The following CDHR1 variants were observed in gnomAD, a reference collection of about 807,000 sequenced individuals.
CDHR1 encodes the protein cadherin-related family member 1.
Under a neutral mutation model 72.1 loss-of-function variants are expected in CDHR1, and 61 were observed. The observed-to-expected ratio is 0.85, with a 90% CI of 0.69 to 1.05. CDHR1 has a LOEUF of 1.05. CDHR1 is among the 50% of genes least tolerant of loss of function. The pLI is 0.00. For missense variants in CDHR1, 1,186 were observed against 1,115.7 expected, an observed-to-expected ratio of 1.06 and a Z score of -0.90; for synonymous variants, 470 against 448.1, an observed-to-expected ratio of 1.05 and a Z score of -0.62.
intron 12 of CDHR1, among the ~76,000 whole-genome samples, chr10:84,210,223 GT>G (rs984549453): frequency 4.6e-5 from 7 of 150,582 alleles, no homozygotes; most frequent in African/African-American, 1.2e-4. Flanking sequence ...CGTTTTTTTT[GT>G]TTTTTTTGTT....
chr10:84,204,913 A>C (rs1842197618), intron 9 of CDHR1, among the ~76,000 whole-genome samples: 1 of 152,154 alleles, frequency 6.6e-6, no homozygotes, highest in Non-Finnish European at 1.5e-5. Flanking sequence ...CATTTCTCAC[A>C]CTTTTTAAGT....
At position 84,217,145 on chromosome 10, in the gene CDHR1, C is replaced by A; in HGVS notation, c.*2524C>A. The A allele has an allele frequency of 1.0e-6, 1 of 985,576 alleles. No individual in the cohort carries two copies. Among genetic ancestry groups the A allele is most frequent in the Non-Finnish European group, 1.2e-6 (1 of 830,074 alleles). The allele number at this position is 985,576 out of a possible 1,614,324, so 61.1% of individuals were successfully genotyped here. ...GTGTTGTCAGCACTGGAGGAGACCCCGCCAGTGGGGTGAGGCCAGCCAAGT... is the reference window on the plus strand; with the variant it reads ...GTGTTGTCAGCACTGGAGGAGACCCAGCCAGTGGGGTGAGGCCAGCCAAGT... On this transcript the variant is annotated 3_prime_UTR_variant, in exon 17 of 17. Coordinates refer to ENST00000623527, the MANE Select transcript of CDHR1 (RefSeq NM_033100.4).
intron 7 of CDHR1, 132 bp from the exon 8 acceptor site, chr10:84,202,848 A>C: frequency 1.0e-6 from 1 of 961,928 alleles, no homozygotes; most frequent in Non-Finnish European, 1.6e-6. Flanking sequence ...GGTGACACAG[A>C]AGCAAACAGA....
chr10:84,205,756 T>G (rs1842213087), intron 9 of CDHR1, 71 bp from the exon 10 acceptor site: 1 of 1,006,336 alleles, frequency 9.9e-7, no homozygotes, highest in Non-Finnish European at 1.6e-6. Context: ...TGCAGGACGA[T>G]CCTGTGGCAC....
In CDHR1 at chr10:84,194,820, GTGGCCGCTGGGCCGCGC is replaced by G; in HGVS notation, c.55+13_55+29del. 6.5e-7 allele frequency: 1 copy of G among 1,533,062 alleles called. No homozygotes were observed. Among genetic ancestry groups the G allele is most frequent in the Non-Finnish European group, 8.7e-7 (1 of 1,145,958 alleles). The allele number at this position is 1,533,062 out of a possible 1,614,324, so 95.0% of individuals were successfully genotyped here. On this transcript the variant is annotated splice_donor_region_variant and intron_variant, in intron 1 of 16. Transcript: ENST00000623527. The stretch of plus-strand genomic sequence containing the variant: ...GGCTGCTGCGCCTCTGCTTGGGTGA[GTGGCCGCTGGGCCGCGC>G]TGGCCGCGTGGATGGCGAGGGAGAT...
In CDHR1 at chr10:84,214,202, A is replaced by G. The variant is rs886047328; in HGVS notation, c.2161A>G (p.Thr721Ala). 11 of 1,613,808 alleles carry G rather than the reference A, an allele frequency of 6.8e-6. No individual in the cohort carries two copies. The highest frequency in any genetic ancestry group is 9.3e-6 in the Non-Finnish European group (11 of 1,179,958). ...CGTGGCCATCACTGTCCTCATCTCCACCGCCACCTTCTGGCGCAACAAGAA... is the reference window on the plus strand; with the variant it reads ...CGTGGCCATCACTGTCCTCATCTCCGCCGCCACCTTCTGGCGCAACAAGAA... Reference protein sequence around the residue: ...TVVAITVLISTATFWRNKKSN... With the variant: ...TVVAITVLISAATFWRNKKSN... The change falls in exon 17 of 17, where the codon ACC becomes GCC. Residue 721 changes from threonine to alanine, a missense_variant. Coordinates refer to ENST00000623527, the MANE Select transcript of CDHR1 (RefSeq NM_033100.4).
At chr10:84,195,271 C>A (rs918334703) in intron 1 of CDHR1, among the ~76,000 whole-genome samples, 1 of 152,222 alleles carries the variant, frequency 6.6e-6, no homozygotes, top group Non-Finnish European at 1.5e-5. Context: ...CCACATGCTA[C>A]GTGTCCCTGA....
At chr10:84,218,753 G>A (rs1015261492), downstream of CDHR1, 18 of 1,007,112 alleles carry the variant, frequency 1.8e-5, no homozygotes, top group African/African-American at 2.6e-4. Flanking sequence ...AAGGATATTA[G>A]CCCAGATATC....
At position 84,196,403 on chromosome 10, in the gene CDHR1, T is replaced by C. The variant is rs934096981; in HGVS notation, c.152-102T>C. The stretch of plus-strand genomic sequence containing the variant: ...GCAGTACCTTTGGCACTGAGTTGAA[T>C]AGTCACTTTATAAACAGCTGAATCG... On this transcript the variant is annotated intron_variant, in intron 2 of 16. Coordinates refer to ENST00000623527, the MANE Select transcript of CDHR1 (RefSeq NM_033100.4). 5.4e-6 allele frequency: 7 copies of C among 1,300,618 alleles called. No individual in the cohort carries two copies. The South Asian group carries it at 6.0e-5, about 11-fold the overall frequency. 80.6% of individuals were successfully genotyped at this position (1,300,618 alleles called of 1,614,324 possible). A position where few individuals can be genotyped will look rare whatever the true frequency, so the allele number is the denominator to read the frequency against.
At position 84,208,335 on chromosome 10, in the gene CDHR1, G is replaced by T. The variant is rs757752624; in HGVS notation, c.1125G>T (p.Glu375Asp). Residue 375 changes from glutamate to aspartate, a missense_variant, in exon 11 of 17, where the codon GAG becomes GAT. Physicochemically the swap from Glu to Asp is conservative, Grantham distance 45. Transcript: ENST00000623527. ...TGAATGAGCACCCACCCCAGGGAGA[G>T]ATCCTGCGGGGCCTCAAGATCACCG... ...LSMNEHPPQG[E>D]ILRGLKITVN... is the part of the protein sequence containing the mutation. 1 of 1,614,206 alleles carries T rather than the reference G, an allele frequency of 6.2e-7. No individual in the cohort carries two copies. The highest frequency in any genetic ancestry group is 8.5e-7 in the Non-Finnish European group (1 of 1,180,038).
At chr10:84,203,210 G>A (rs1564659397) in intron 8 of CDHR1, 87 bp downstream of exon 8, 1 of 1,556,014 alleles carries the variant, frequency 6.4e-7, no homozygotes, top group Non-Finnish European at 8.8e-7. Context: ...TGCTGGAGAT[G>A]GCTGGTCTGG....
At chr10:84,198,214 A>T (rs2132792088) in intron 4 of CDHR1, among the ~76,000 whole-genome samples, 1 of 152,268 alleles carries the variant, frequency 6.6e-6, no homozygotes, top group South Asian at 2.1e-4. Flanking sequence ...TCACTGGATA[A>T]CTCAACAAAC....
chr10:84,201,776 C>T (rs1318948133), intron 6 of CDHR1, 31 bp from the exon 7 acceptor site: 1 of 1,573,522 alleles, frequency 6.4e-7, no homozygotes. Context: ...TGCATTCTTG[C>T]TGAGGTCCAG....
chr10:84,218,848 A>G (rs937797080), downstream of CDHR1, among the ~76,000 whole-genome samples: 7 of 152,202 alleles, frequency 4.6e-5, no homozygotes, highest in Non-Finnish European at 7.3e-5. Flanking sequence ...CTATGTGCTG[A>G]GTCACATTCA....
Position 84,216,153 on chromosome 10 carries a change from G to C in CDHR1, c.*1532G>C, listed in dbSNP as rs776983502. 2 of 985,312 alleles carry C rather than the reference G, an allele frequency of 2.0e-6. No homozygotes were observed. Among genetic ancestry groups the C allele is most frequent in the African/African-American group, 1.7e-5 (1 of 57,228 alleles). The allele number at this position is 985,312 out of a possible 1,614,324, so 61.0% of individuals were successfully genotyped here. A position where few individuals can be genotyped will look rare whatever the true frequency, so the allele number is the denominator to read the frequency against. ...ATGTGTGCACAGAGAGAGAAAAGTA[G>C]AACAGTTCTTTGCATTTGGCTCTAC... is the stretch of plus-strand genomic sequence containing the variant. On this transcript the variant is annotated 3_prime_UTR_variant, in exon 17 of 17. Coordinates refer to ENST00000623527, the MANE Select transcript of CDHR1 (RefSeq NM_033100.4).
chr10:84,217,207 C>G lies in CDHR1; in HGVS notation c.*2586C>G. On this transcript the variant is annotated 3_prime_UTR_variant, in exon 17 of 17. Transcript: ENST00000623527. ...GAATGGTGGGCCAAGGGGCTGTCTG[C>G]TAGGTCCCAGTAGGACAGGCAGAGC... is the stretch of plus-strand genomic sequence containing the variant. The G allele has an allele frequency of 1.0e-6, 1 of 985,536 alleles. No individual in the cohort carries two copies. The highest frequency in any genetic ancestry group is 1.2e-6 in the Non-Finnish European group (1 of 830,004). 61.0% of individuals were successfully genotyped at this position (985,536 alleles called of 1,614,324 possible). A position where few individuals can be genotyped will look rare whatever the true frequency, so the allele number is the denominator to read the frequency against.
At chr10:84,213,583 A>G (rs1241003896) in intron 16 of CDHR1, among the ~76,000 whole-genome samples, 1 of 152,210 alleles carries the variant, frequency 6.6e-6, no homozygotes, top group Non-Finnish European at 1.5e-5. Context: ...CCTTTCCTGT[A>G]AGATGGGATA....
intron 8 of CDHR1, among the ~76,000 whole-genome samples, chr10:84,204,096 T>C (rs1842180119): frequency 6.6e-6 from 1 of 152,216 alleles, no homozygotes; most frequent in South Asian, 2.1e-4. Context: ...ATCTTAATTC[T>C]GGGACCTCGC....
At chr10:84,199,662 A>C (rs1170154335) in intron 5 of CDHR1, among the ~76,000 whole-genome samples, 1 of 152,220 alleles carries the variant, frequency 6.6e-6, no homozygotes, top group Non-Finnish European at 1.5e-5. Context: ...TGCTATCATG[A>C]GACACATCAA....
Sources: gnomAD v4.1 joint callset for allele counts (sites outside exome capture counted in the v4.1 genomes callset) on GRCh38, gnomAD v4.1.1 for gene constraint, MANE v1.5 for transcripts, NCBI Gene and HGNC (gene_info 2026-07-23, HGNC 2026-07-21) for gene names.